The following MED27 variants were observed in gnomAD, a reference collection of about 807,000 sequenced individuals.
MED27 encodes the protein mediator complex subunit 27.
In MED27, 30 loss-of-function variants were observed where a neutral mutation model predicts 38.2. That is an observed-to-expected ratio of 0.79 (90% confidence interval 0.59 to 1.07). MED27 has a LOEUF of 1.07. Among genes scored for constraint, MED27 ranks in the 50% least tolerant of loss-of-function variants. The probability of loss-of-function intolerance (pLI) is 0.00; values close to 1 mark genes in which losing one functional copy is unlikely to be tolerated. For synonymous variants in MED27, 122 were observed against 153.5 expected, an observed-to-expected ratio of 0.79 and a Z score of 1.52; for missense variants, 289 against 397.5, an observed-to-expected ratio of 0.73 and a Z score of 2.32.
At chr9:131,933,796 T>C (rs531980979) in intron 4 of MED27, among the ~76,000 whole-genome samples, 21 of 152,126 alleles carry the variant, frequency 1.4e-4, no homozygotes, top group Non-Finnish European at 3.1e-4. Context: ...AAAATTTATA[T>C]GGAACCACAA....
intron 3 of MED27, among the ~76,000 whole-genome samples, chr9:131,994,418 G>A (rs1231327096): frequency 6.6e-6 from 1 of 152,134 alleles, no homozygotes; most frequent in Non-Finnish European, 1.5e-5. Context: ...TTGCATCCCA[G>A]GGCAATGGCA....
At chr9:131,972,658 A>AGGTAGG (rs1831504626) in intron 3 of MED27, among the ~76,000 whole-genome samples, 1 of 152,228 alleles carries the variant, frequency 6.6e-6, no homozygotes, top group South Asian at 2.1e-4. Context: ...AGAGAGACTC[A>AGGTAGG]GGTAGGGGTA....
intron 2 of MED27, among the ~76,000 whole-genome samples, chr9:132,062,542 C>T (rs1833719440): frequency 6.6e-6 from 1 of 152,154 alleles, no homozygotes; most frequent in African/African-American, 2.4e-5. Context: ...CAATGGGAGC[C>T]AGACCTGGAC....
chr9:132,079,800 G>A lies in MED27; in HGVS notation c.45C>T (p.Ser15=), dbSNP rs1241471647. The change falls in exon 1 of 8, where the codon TCC becomes TCT. Residue 15 remains serine, a synonymous_variant. Transcript: ENST00000292035. ...INVSVNLEAF[S]QAISAIQALR... Reference sequence around the variant, plus strand: ...GCGCCTGGATGGCACTAATGGCCTGGGAAAAGGCCTCCAGGTTCACACTGA... The same window carrying A: ...GCGCCTGGATGGCACTAATGGCCTGAGAAAAGGCCTCCAGGTTCACACTGA... The A allele has an allele frequency of 1.9e-6, 3 of 1,613,368 alleles. No individual in the cohort carries two copies. The South Asian group carries it at 3.3e-5, about 18-fold the overall frequency.
chr9:131,860,804 A>G lies in MED27; in HGVS notation c.802-132T>C. The G allele has an allele frequency of 3.0e-6, 3 of 996,896 alleles. No individual in the cohort carries two copies. The Admixed American group carries it at 7.3e-5, about 24-fold the overall frequency. 61.8% of individuals were successfully genotyped at this position (996,896 alleles called of 1,614,324 possible). A position where few individuals can be genotyped will look rare whatever the true frequency, so the allele number is the denominator to read the frequency against. On this transcript the variant is annotated intron_variant, in intron 7 of 7. Coordinates refer to ENST00000292035, the MANE Select transcript of MED27 (RefSeq NM_004269.4). The surrounding 1 kb of genome is among the most constrained non-coding windows in gnomAD (Gnocchi z 5.8). ...CCCAGAAGATGCCCTGTGATTTCACAGGGAGCAGCAGGCGGAACCCACAAG... is the reference window on the plus strand; with the variant it reads ...CCCAGAAGATGCCCTGTGATTTCACGGGGAGCAGCAGGCGGAACCCACAAG...
rs1419018561 is a variant in MED27, at chr9:131,997,995, C to A, written c.479+16342G>T. Among the ~76,000 whole-genome samples, 1 of 152,148 alleles carries A rather than the reference C, an allele frequency of 6.6e-6. No homozygotes were observed. Among genetic ancestry groups the A allele is most frequent in the Non-Finnish European group, 1.5e-5 (1 of 68,024 alleles). On this transcript the variant is annotated intron_variant, in intron 3 of 7. Transcript: ENST00000292035. This position sits in a 1 kb window ranked among gnomAD's most constrained non-coding sequence, Gnocchi z 4.0. ...GAACAGAAATATCTGTTCCCACTGG[C>A]TGATAAAGTCTTGCTGCTCTGCCAA...
chr9:132,006,188 A>C (rs1023910861), intron 3 of MED27, among the ~76,000 whole-genome samples: 1 of 152,192 alleles, frequency 6.6e-6, no homozygotes, highest in African/African-American at 2.4e-5. Context: ...TTTGTGGGAC[A>C]TTAAGCCGGG....
intron 3 of MED27, among the ~76,000 whole-genome samples, chr9:131,953,115 C>T (rs1265271030): frequency 6.6e-6 from 1 of 152,242 alleles, no homozygotes; most frequent in Non-Finnish European, 1.5e-5. Flanking sequence ...GAACAACATT[C>T]ATTTAATAAT....
At chr9:132,041,520 G>A (rs180839125) in intron 2 of MED27, among the ~76,000 whole-genome samples, 6 of 152,306 alleles carry the variant, frequency 3.9e-5, no homozygotes, top group Admixed American at 2.0e-4. Context: ...CGACTGCAGC[G>A]TCCACAGAGC....
intron 3 of MED27, among the ~76,000 whole-genome samples, chr9:132,008,370 T>G (rs1380302677): frequency 6.6e-6 from 1 of 152,248 alleles, no homozygotes; most frequent in East Asian, 1.9e-4. Flanking sequence ...ACAGCAACAG[T>G]GGACACAGCC....
intron 3 of MED27, among the ~76,000 whole-genome samples, chr9:131,999,845 G>T (rs1225582502): frequency 6.6e-6 from 1 of 152,088 alleles, no homozygotes; most frequent in Non-Finnish European, 1.5e-5. Context: ...GAAACACCAT[G>T]AAATACTTAA....
At chr9:131,968,469 C>T (rs1831403008) in intron 3 of MED27, among the ~76,000 whole-genome samples, 1 of 46,722 alleles carries the variant, frequency 2.1e-5, no homozygotes, top group Admixed American at 2.9e-4. Context: ...GAGACCCTGT[C>T]TCAAAAAAAA....
Position 132,009,835 on chromosome 9 carries a change from G to A in MED27, c.479+4502C>T, listed in dbSNP as rs553749598. ...CTTGGAGGATTTCGGTGTTTTATAA[G>A]GGGGTTGAAAGGATTTTCTTAATGA... On this transcript the variant is annotated intron_variant, in intron 3 of 7. Transcript: ENST00000292035. 2.3e-4 allele frequency among the ~76,000 whole-genome samples: 35 copies of A among 152,342 alleles called. 1 individual carries two copies. In the South Asian group the frequency reaches 7.0e-3, roughly 31 times the overall value.
intron 2 of MED27, among the ~76,000 whole-genome samples, chr9:132,023,210 C>A (rs558396162): frequency 4.6e-5 from 7 of 152,128 alleles, no homozygotes; most frequent in African/African-American, 9.6e-5. Context: ...TTTTCCCCCC[C>A]AAAAGAAAAC....
At chr9:132,058,997 G>A (rs748310195) in intron 2 of MED27, among the ~76,000 whole-genome samples, 3 of 151,938 alleles carry the variant, frequency 2.0e-5, no homozygotes, top group South Asian at 2.1e-4. Flanking sequence ...CTTCCCCACC[G>A]TGCACACCTC....
At chr9:131,885,359 C>G (rs529053553) in intron 5 of MED27, among the ~76,000 whole-genome samples, 1 of 152,186 alleles carries the variant, frequency 6.6e-6, no homozygotes, top group African/African-American at 2.4e-5. Flanking sequence ...CAGAAGCCCC[C>G]GGGGGAAGGT....
intron 4 of MED27, among the ~76,000 whole-genome samples, chr9:131,918,539 G>A (rs762552929): frequency 3.7e-4 from 56 of 152,186 alleles, no homozygotes; most frequent in Non-Finnish European, 5.9e-4. Flanking sequence ...ATTTGACTTA[G>A]TATGTTTTTG....
intron 3 of MED27, among the ~76,000 whole-genome samples, chr9:131,959,300 T>TA (rs11393809): frequency 1 from 152,050 of 152,348 alleles, 75,878 homozygotes; most frequent in East Asian, 1. Flanking sequence ...GCACATTTCC[T>TA]GTACAACACA....
chr9:132,075,927 C>A (rs1312716836), intron 2 of MED27, among the ~76,000 whole-genome samples: 1 of 152,188 alleles, frequency 6.6e-6, no homozygotes, highest in East Asian at 1.9e-4. Context: ...CAAGGAACCC[C>A]ATTTCCTGTG....
Sources: allele counts gnomAD v4.1 joint callset (sites outside exome capture counted in the v4.1 genomes callset), GRCh38; gene constraint gnomAD v4.1.1; non-coding constraint Gnocchi (gnomAD v3.1); transcripts MANE v1.5; gene names NCBI Gene and HGNC (gene_info 2026-07-23, HGNC 2026-07-21).